Variants in CADM2 observed in about 807,000 individuals in gnomAD.
CADM2 encodes the protein cell adhesion molecule 2.
Under a neutral mutation model 49.8 loss-of-function variants are expected in CADM2, and 12 were observed. That is an observed-to-expected ratio of 0.24 (90% CI 0.15 to 0.39). CADM2 has a LOEUF of 0.39. Ranked by LOEUF, CADM2 falls within the 10% of genes least tolerant of loss-of-function variation. The pLI, the probability that CADM2 is intolerant of heterozygous loss-of-function variation, is 1.00. For synonymous variants in CADM2, 214 were observed against 175.4 expected (o/e 1.22, Z -1.74); for missense variants, 378 against 492.3 (o/e 0.77, Z 2.20).
intron 5 of CADM2, among the ~76,000 whole-genome samples, chr3:85,894,342 G>T (rs1219839518): frequency 6.6e-6 from 1 of 152,126 alleles, no homozygotes; most frequent in Non-Finnish European, 1.5e-5. Context: ...ACCGGGAACT[G>T]TTGTGGGGTA....
intron 1 of CADM2, among the ~76,000 whole-genome samples, chr3:85,297,006 G>A (rs1015981100): frequency 6.7e-6 from 1 of 149,516 alleles, no homozygotes; most frequent in Non-Finnish European, 1.5e-5. Context: ...TAATTTTTCT[G>A]TGTGCTTTAT....
intron 1 of CADM2, among the ~76,000 whole-genome samples, chr3:84,984,866 A>C (rs2032458791): frequency 1.3e-5 from 2 of 152,188 alleles, no homozygotes; most frequent in Non-Finnish European, 2.9e-5. Flanking sequence ...TAATGGGTAA[A>C]TGAGTGTACT....
At chr3:85,030,299 C>T (rs2034923135) in intron 1 of CADM2, among the ~76,000 whole-genome samples, 1 of 152,152 alleles carries the variant, frequency 6.6e-6, no homozygotes, top group South Asian at 2.1e-4. Flanking sequence ...ACAACTCCAC[C>T]GTGCTCTGAC....
chr3:85,554,872 T>A lies in CADM2; in HGVS notation c.62-171650T>A, dbSNP rs557934519. On this transcript the variant is annotated intron_variant, in intron 1 of 9. Coordinates refer to ENST00000383699, the MANE Select transcript of CADM2 (RefSeq NM_001167675.2). ...ATATTTTTTTATTTGACTTTATTTT[T>A]TTTATTTTTATTTTTTTTTTTTTTG... Among the ~76,000 whole-genome samples the A allele has an allele frequency of 4.6e-3, 418 of 90,730 alleles. 1 individual carries two copies. In the Middle Eastern group the frequency reaches 0.065, roughly 14 times the overall value. The allele number at this position is 90,730 out of a possible 152,430, so 59.5% of individuals were successfully genotyped here. A position where few individuals can be genotyped will look rare whatever the true frequency, so the allele number is the denominator to read the frequency against.
intron 1 of CADM2, among the ~76,000 whole-genome samples, chr3:85,686,882 T>G (rs2066233505): frequency 6.6e-6 from 1 of 152,212 alleles, no homozygotes; most frequent in Non-Finnish European, 1.5e-5. Flanking sequence ...TTGTCTTGCC[T>G]TTTCAGACAG....
chr3:85,148,741 C>T (rs9857682), intron 1 of CADM2, among the ~76,000 whole-genome samples: 101,939 of 152,062 alleles, frequency 0.67, 34,903 homozygotes, highest in African/African-American at 0.8. Context: ...AATGTATTCT[C>T]ACAATAAAAT....
intron 1 of CADM2, among the ~76,000 whole-genome samples, chr3:85,636,353 T>A (rs1032743839): frequency 1.1e-4 from 17 of 151,972 alleles, no homozygotes; most frequent in Admixed American, 4.6e-4. Flanking sequence ...AGGTTACTTT[T>A]AAAAAATGAA....
chr3:85,156,915 G>A (rs1030279822), intron 1 of CADM2, among the ~76,000 whole-genome samples: 5 of 152,118 alleles, frequency 3.3e-5, no homozygotes, highest in Admixed American at 6.5e-5. Context: ...GTTTGCAGAC[G>A]ACATGATTGT....
intron 8 of CADM2, among the ~76,000 whole-genome samples, chr3:86,061,580 A>G (rs1164061080): frequency 2.0e-5 from 3 of 152,180 alleles, no homozygotes; most frequent in Non-Finnish European, 4.4e-5. Flanking sequence ...TTGTATGCAT[A>G]TAATCTTATT....
chr3:85,472,659 T>C (rs535907944), intron 1 of CADM2, among the ~76,000 whole-genome samples: 22 of 152,150 alleles, frequency 1.4e-4, no homozygotes, highest in African/African-American at 5.1e-4. Context: ...GGTACCATGT[T>C]ATCTATAATG....
intron 1 of CADM2, among the ~76,000 whole-genome samples, chr3:85,575,099 G>A (rs1361001846): frequency 6.6e-6 from 1 of 152,072 alleles, no homozygotes; most frequent in East Asian, 1.9e-4. Context: ...AAATTAAGAT[G>A]GTGACTAGTA....
intron 1 of CADM2, among the ~76,000 whole-genome samples, chr3:85,490,214 C>T (rs775872726): frequency 1.3e-5 from 2 of 151,872 alleles, no homozygotes; most frequent in East Asian, 1.9e-4. Context: ...AGAAACTGAA[C>T]CCAAATGGAT....
At chr3:85,274,735 A>G (rs1020939495) in intron 1 of CADM2, among the ~76,000 whole-genome samples, 1 of 151,624 alleles carries the variant, frequency 6.6e-6, no homozygotes, top group African/African-American at 2.4e-5. Context: ...TGATCAAGAC[A>G]GACCTTCTTG....
At chr3:85,063,244 T>C (rs1392371974) in intron 1 of CADM2, among the ~76,000 whole-genome samples, 1 of 152,004 alleles carries the variant, frequency 6.6e-6, no homozygotes, top group Non-Finnish European at 1.5e-5. Flanking sequence ...TCAATCTGCT[T>C]TTGATGGAAA....
chr3:85,590,263 G>A (rs979517630), intron 1 of CADM2, among the ~76,000 whole-genome samples: 1 of 151,994 alleles, frequency 6.6e-6, no homozygotes, highest in African/African-American at 2.4e-5. Context: ...TTTGACATAT[G>A]ACAAAGACTA....
intron 2 of CADM2, among the ~76,000 whole-genome samples, chr3:85,726,803 T>C (rs893348380): frequency 6.6e-6 from 1 of 152,074 alleles, no homozygotes; most frequent in Non-Finnish European, 1.5e-5. Context: ...CAAAGTGCAA[T>C]AAAGTGCTTT....
intron 1 of CADM2, among the ~76,000 whole-genome samples, chr3:85,595,776 A>G (rs1462427682): frequency 1.3e-5 from 2 of 152,040 alleles, no homozygotes; most frequent in Non-Finnish European, 2.9e-5. Flanking sequence ...TATGTTATTT[A>G]TTCTTAAAAT....
chr3:85,587,401 G>C (rs1017773783), intron 1 of CADM2, among the ~76,000 whole-genome samples: 1 of 151,976 alleles, frequency 6.6e-6, no homozygotes, highest in African/African-American at 2.4e-5. Flanking sequence ...ATCCAGATAG[G>C]TAGCACCTTA....
At chr3:85,749,223 C>CA (rs1450366542) in intron 2 of CADM2, among the ~76,000 whole-genome samples, 8 of 151,182 alleles carry the variant, frequency 5.3e-5, no homozygotes, top group African/African-American at 1.9e-4. Context: ...AAACTGATAT[C>CA]AAATGTATCC....
Sources: allele counts gnomAD v4.1 joint callset (sites outside exome capture counted in the v4.1 genomes callset), GRCh38; gene constraint gnomAD v4.1.1; transcripts MANE v1.5; gene names NCBI Gene and HGNC (gene_info 2026-07-23, HGNC 2026-07-21).